The following ABCC3 variants were observed in gnomAD, a reference collection of about 807,000 sequenced individuals.
ABCC3 encodes the protein ATP binding cassette subfamily C member 3, also known as ATP-binding cassette sub-family C member 3.
Under a neutral mutation model 165.3 loss-of-function variants are expected in ABCC3, and 121 were observed. The ratio of observed to expected loss-of-function variants is 0.73; its 90% CI spans 0.63 to 0.85. ABCC3 has a LOEUF of 0.85. Ranked by LOEUF, ABCC3 falls within the 40% of genes least tolerant of loss-of-function variation. ABCC3 has a pLI of 0.00. For missense variants in ABCC3, 1,869 were observed against 1,964.1 expected (o/e 0.95, Z 0.92); for synonymous variants, 733 against 810.1 (o/e 0.90, Z 1.62).
At chr17:50,663,527 T>C in intron 8 of ABCC3, 154 bp from the exon 9 acceptor site, 1 of 806,160 alleles carries the variant, frequency 1.2e-6, no homozygotes, top group Non-Finnish European at 1.9e-6. Flanking sequence ...GAGGCAGTAC[T>C]GGGTTGACCC....
intron 11 of ABCC3, among the ~76,000 whole-genome samples, chr17:50,665,752 C>T (rs759068161): frequency 7.9e-5 from 12 of 151,684 alleles, no homozygotes; most frequent in African/African-American, 1.5e-4. Flanking sequence ...ACTACAGGCA[C>T]ATGCCACCAC....
intron 1 of ABCC3, chr17:50,635,800 T>A (rs2054174251): frequency 3.5e-6 from 2 of 578,088 alleles, no homozygotes; most frequent in South Asian, 2.1e-5. Flanking sequence ...GGAGGATCAC[T>A]TCAGCCCAGG....
intron 17 of ABCC3, 103 bp downstream of exon 17, chr17:50,669,631 A>G: frequency 7.9e-7 from 1 of 1,264,524 alleles, no homozygotes; most frequent in Non-Finnish European, 1.1e-6. Flanking sequence ...CATTGGTGTA[A>G]CGTTATGCCC....
chr17:50,679,858 G>T lies in ABCC3; in HGVS notation c.3766G>T (p.Ala1256Ser), dbSNP rs1567837934. ...GTCAGATTTGGAATCTAACATCGTG[G>T]CTGTGGAGAGGGTCAAGGAGTACTC... ...MMSDLESNIVAVERVKEYSKT... is the reference protein window; with the variant it reads ...MMSDLESNIVSVERVKEYSKT... The change falls in exon 26 of 31, where the codon GCT becomes TCT. Residue 1256 changes from alanine to serine, a missense_variant. Coordinates refer to ENST00000285238, the MANE Select transcript of ABCC3 (RefSeq NM_003786.4). The T allele has an allele frequency of 6.2e-7, 1 of 1,614,052 alleles. No individual in the cohort carries two copies. Among genetic ancestry groups the T allele is most frequent in the African/African-American group, 1.3e-5 (1 of 74,920 alleles).
chr17:50,669,081 T>C, intron 15 of ABCC3, 59 bp from the exon 16 acceptor site: 1 of 1,589,276 alleles, frequency 6.3e-7, no homozygotes, highest in Non-Finnish European at 8.6e-7. Flanking sequence ...AGGTGGAGGG[T>C]TGGAGACCAA....
In ABCC3 at chr17:50,683,656, C is replaced by G. The variant is rs371476240; in HGVS notation, c.3854C>G (p.Pro1285Arg). 8.7e-6 allele frequency: 14 copies of G among 1,602,078 alleles called. No individual in the cohort carries two copies. In the African/African-American group the frequency reaches 9.4e-5, roughly 11 times the overall value. Residue 1285 changes from proline (P) to arginine (R), a missense_variant, in exon 27 of 31, where the codon CCA becomes CGA. Pro to Arg is a moderately radical substitution (Grantham distance 103). Coordinates refer to ENST00000285238, the MANE Select transcript of ABCC3 (RefSeq NM_003786.4). ...EGSRPPEGWP[P>R]RGEVEFRNYS... ...AGCCGCCCTCCCGAAGGTTGGCCCCCACGTGGGGAGGTGGAGTTCCGGAAT... is the reference window on the plus strand; with the variant it reads ...AGCCGCCCTCCCGAAGGTTGGCCCCGACGTGGGGAGGTGGAGTTCCGGAAT...
At chr17:50,684,969 AG>A in intron 29 of ABCC3, 94 bp downstream of exon 29, 1 of 1,421,704 alleles carries the variant, frequency 7.0e-7, no homozygotes, top group Non-Finnish European at 9.5e-7. Context: ...CACAGAGATG[AG>A]GCCAGCCCGG....
rs1200440432 is a variant in ABCC3, at chr17:50,667,956, A to G, written c.1729A>G (p.Ile577Val). The G allele has an allele frequency of 1.2e-6, 2 of 1,614,118 alleles. No individual in the cohort carries two copies. The highest frequency in any genetic ancestry group is 1.3e-5 in the African/African-American group (1 of 75,022). Residue 577 changes from isoleucine to valine, a missense_variant, in exon 13 of 31, where the codon ATC becomes GTC. Physicochemically the swap from Ile to Val is conservative, Grantham distance 29 (BLOSUM62 3). Coordinates refer to ENST00000285238, the MANE Select transcript of ABCC3 (RefSeq NM_003786.4). ...KAFVSVSLFN[I>V]LRLPLNMLPQ... Reference sequence around the variant, plus strand: ...CTTTGTGTCTGTGTCCTTGTTTAATATCTTAAGACTTCCCCTCAACATGCT... The same window carrying G: ...CTTTGTGTCTGTGTCCTTGTTTAATGTCTTAAGACTTCCCCTCAACATGCT...
intron 1 of ABCC3, among the ~76,000 whole-genome samples, chr17:50,646,770 G>A (rs546088676): frequency 2.0e-5 from 3 of 152,244 alleles, no homozygotes; most frequent in African/African-American, 7.2e-5. Context: ...GGAGGAACCA[G>A]GTAAGAGATA....
At chr17:50,679,669 G>T (rs1967892257) in intron 25 of ABCC3, 129 bp from the exon 26 acceptor site, 5 of 817,188 alleles carry the variant, frequency 6.1e-6, no homozygotes, top group Non-Finnish European at 4.0e-6. Context: ...CTTGATCCAG[G>T]CCCACCTGGG....
At chr17:50,635,020 G>T in intron 1 of ABCC3, 39 bp downstream of exon 1, 1 of 1,256,516 alleles carries the variant, frequency 8.0e-7, no homozygotes, top group Non-Finnish European at 1.0e-6. Flanking sequence ...GCGGGGGCCA[G>T]GGTCGGCCGG....
chr17:50,656,972 T>C, intron 3 of ABCC3, 74 bp from the exon 4 acceptor site: 4 of 1,566,618 alleles, frequency 2.6e-6, no homozygotes, highest in East Asian at 2.2e-5. Context: ...CTTCTGGCCA[T>C]GTGGGATGGG....
Position 50,676,517 on chromosome 17 carries a change from G to A in ABCC3, c.3307G>A (p.Val1103Ile). 1.2e-6 allele frequency: 2 copies of A among 1,613,570 alleles called. No individual in the cohort carries two copies. The highest frequency in any genetic ancestry group is 1.7e-6 in the Non-Finnish European group (2 of 1,179,910). ...SFFNAISTLV[V>I]IMASTPLFTV... is the part of the protein sequence containing the mutation. ...CTTCAACGCCATCTCCACTCTTGTG[G>A]TCATCATGGCCAGCACGCCGCTCTT... The change falls in exon 23 of 31, where the codon GTC (valine) becomes ATC (isoleucine). Residue 1103 changes from valine (V) to isoleucine (I), a missense_variant. Physicochemically the swap from Val to Ile is conservative, Grantham distance 29. Transcript: ENST00000285238.
Position 50,683,650 on chromosome 17 carries a change from G to T in ABCC3, c.3848G>T (p.Trp1283Leu). 1 of 1,599,858 alleles carries T rather than the reference G, an allele frequency of 6.3e-7. No individual in the cohort carries two copies. Among genetic ancestry groups the T allele is most frequent in the East Asian group, 2.3e-5 (1 of 43,702 alleles). ...VVEGSRPPEG[W>L]PPRGEVEFRN... Reference sequence around the variant, plus strand: ...GAAGGCAGCCGCCCTCCCGAAGGTTGGCCCCCACGTGGGGAGGTGGAGTTC... The same window carrying T: ...GAAGGCAGCCGCCCTCCCGAAGGTTTGCCCCCACGTGGGGAGGTGGAGTTC... The change falls in exon 27 of 31, where the codon TGG becomes TTG. Residue 1283 changes from tryptophan to leucine, a missense_variant. Coordinates refer to ENST00000285238, the MANE Select transcript of ABCC3 (RefSeq NM_003786.4).
In ABCC3 at chr17:50,675,640, T is replaced by C. The variant is rs773123266; in HGVS notation, c.2724T>C (p.Ser908=). Residue 908 remains serine (S), a synonymous_variant, in exon 21 of 31, where the codon AGT becomes AGC. Transcript: ENST00000285238. ...VVQKQFMRQL[S]ALSSDGEGQG... ...CCAGCTGCCTCCACAGACAGCTGAGTGCCCTGTCCTCAGATGGGGAGGGAC... is the reference window on the plus strand; with the variant it reads ...CCAGCTGCCTCCACAGACAGCTGAGCGCCCTGTCCTCAGATGGGGAGGGAC... 3 of 1,567,690 alleles carry C rather than the reference T, an allele frequency of 1.9e-6. No individual in the cohort carries two copies. The highest frequency in any genetic ancestry group is 1.7e-6 in the Non-Finnish European group (2 of 1,156,364).
intron 1 of ABCC3, among the ~76,000 whole-genome samples, chr17:50,647,107 G>A (rs907956838): frequency 6.6e-6 from 1 of 152,178 alleles, no homozygotes; most frequent in Non-Finnish European, 1.5e-5. Context: ...TCGAACTCCT[G>A]ACCTCGTGAT....
At position 50,658,259 on chromosome 17, in the gene ABCC3, A is replaced by G. The variant is rs367674661; in HGVS notation, c.612+52A>G. ...GCTCCACAGCTGAGTCCTCAGCCCA[A>G]CTCTGACCAGCAGCCCCCAACCCCT... is the stretch of plus-strand genomic sequence containing the variant. On this transcript the variant is annotated intron_variant, in intron 5 of 30. Coordinates refer to ENST00000285238, the MANE Select transcript of ABCC3 (RefSeq NM_003786.4). The G allele has an allele frequency of 5.0e-6, 8 of 1,613,082 alleles. No homozygotes were observed. In the African/African-American group the frequency reaches 1.1e-4, roughly 22 times the overall value.
intron 30 of ABCC3, chr17:50,688,466 C>T (rs556667438): frequency 6.6e-6 from 1 of 152,478 alleles, no homozygotes; most frequent in Non-Finnish European, 1.5e-5. Context: ...CGTGACAGCA[C>T]CATGAGGAGC....
In ABCC3 at chr17:50,683,611, C is replaced by T. The variant is rs145122306; in HGVS notation, c.3809C>T (p.Ala1270Val). 9 of 1,556,022 alleles carry T rather than the reference C, an allele frequency of 5.8e-6. No individual in the cohort carries two copies. Among genetic ancestry groups the T allele is most frequent in the Admixed American group, 2.0e-5 (1 of 49,748 alleles). The change falls in exon 27 of 31, where the codon GCG becomes GTG. Residue 1270 changes from alanine to valine, a missense_variant and splice_region_variant. Coordinates refer to ENST00000285238, the MANE Select transcript of ABCC3 (RefSeq NM_003786.4). ...GACCCCATCTGCCCCTCCTGCCAGGCGCCCTGGGTGGTGGAAGGCAGCCGC... is the reference window on the plus strand; with the variant it reads ...GACCCCATCTGCCCCTCCTGCCAGGTGCCCTGGGTGGTGGAAGGCAGCCGC... ...VKEYSKTETE[A>V]PWVVEGSRPP...
Sources: allele counts gnomAD v4.1 joint callset (sites outside exome capture counted in the v4.1 genomes callset), GRCh38; gene constraint gnomAD v4.1.1; transcripts MANE v1.5; gene names NCBI Gene and HGNC (gene_info 2026-07-23, HGNC 2026-07-21).